Variants in PGBD1 observed in about 807,000 individuals in gnomAD.
The protein encoded by PGBD1 is piggyBac transposable element-derived protein 1.
A neutral mutation model predicts 34.7 loss-of-function variants in PGBD1; 25 were observed. The observed-to-expected ratio is 0.72, with a 90% confidence interval of 0.52 to 1.00. PGBD1 has a LOEUF of 1.00. Among genes scored for constraint, PGBD1 ranks in the 50% least tolerant of loss-of-function variants. The probability of loss-of-function intolerance (pLI) is 0.00; values close to 1 mark genes in which losing one functional copy is unlikely to be tolerated. For synonymous variants in PGBD1, 292 were observed against 335.7 expected, an observed-to-expected ratio of 0.87 and a Z score of 1.42; for missense variants, 830 against 959.4, an observed-to-expected ratio of 0.87 and a Z score of 1.78.
rs556105987 is a variant in PGBD1 at position 28,284,430 on chromosome 6, C to G, written c.396+221C>G. 1.8e-4 allele frequency among the ~76,000 whole-genome samples: 27 copies of G among 152,216 alleles called. No individual in the cohort carries two copies. In the South Asian group the frequency reaches 1.9e-3, roughly 11 times the overall value. The stretch of plus-strand genomic sequence containing the variant: ...CGTACAAGGAAGTGCATTCCCCCCC[C>G]CCAAGATGCATATGTATATGTATAC... On this transcript the variant is annotated intron_variant, in intron 2 of 6. Coordinates refer to ENST00000682144, the MANE Select transcript of PGBD1 (RefSeq NM_032507.4).
intron 4 of PGBD1, among the ~76,000 whole-genome samples, chr6:28,287,681 A>T (rs1434302152): frequency 6.6e-6 from 1 of 151,878 alleles, no homozygotes; most frequent in Non-Finnish European, 1.5e-5. Context: ...TCATTTTCCT[A>T]GTCATTTATT....
intron 6 of PGBD1, among the ~76,000 whole-genome samples, chr6:28,299,607 A>T (rs189468877): frequency 6.6e-6 from 1 of 152,302 alleles, no homozygotes; most frequent in Admixed American, 6.5e-5. Context: ...ATTAAAATAT[A>T]CTCTTCATGC....
rs1762784155 is a variant in PGBD1, at chr6:28,300,219, CT to C, written c.870-498del. ...GTCAGAAGACCTGGTAAATAATAAC[CT>C]TTTTTTCTTGTTCAGATTCAGAACC... On this transcript the variant is annotated intron_variant, in intron 6 of 6. Coordinates refer to ENST00000682144, the MANE Select transcript of PGBD1 (RefSeq NM_032507.4). The surrounding 1 kb of genome is among the most constrained non-coding windows in gnomAD (Gnocchi z 4.0). Among the ~76,000 whole-genome samples the C allele has an allele frequency of 6.6e-6, 1 of 152,106 alleles. No individual in the cohort carries two copies. The highest frequency in any genetic ancestry group is 1.5e-5 in the Non-Finnish European group (1 of 67,994).
At chr6:28,287,715 AT>A (rs1055533068) in intron 4 of PGBD1, among the ~76,000 whole-genome samples, 35 of 151,976 alleles carry the variant, frequency 2.3e-4, no homozygotes, top group African/African-American at 8.0e-4. Context: ...TAACTCTCTC[AT>A]TTAAGTCCTC....
intron 1 of PGBD1, among the ~76,000 whole-genome samples, chr6:28,282,623 A>T (rs1034214816): frequency 6.6e-6 from 1 of 152,238 alleles, no homozygotes; most frequent in Non-Finnish European, 1.5e-5. Context: ...CTGATTGTGT[A>T]TAGAGGCTGT....
rs1394120516 is a variant in PGBD1, at chr6:28,283,783, G to A, written c.-31G>A. ...CTCTATTTCTGAATATAGACCCCAA[G>A]CTAAGTGAAGCTTTAGCCTCTAAGC... On this transcript the variant is annotated 5_prime_UTR_variant, in exon 2 of 7. Coordinates refer to ENST00000682144, the MANE Select transcript of PGBD1 (RefSeq NM_032507.4). 7 of 1,531,604 alleles carry A rather than the reference G, an allele frequency of 4.6e-6. No homozygotes were observed. In the Admixed American group the frequency reaches 8.3e-5, roughly 18 times the overall value. 94.9% of individuals were successfully genotyped at this position (1,531,604 alleles called of 1,614,324 possible).
rs757936431 is a variant in PGBD1 at position 28,301,267 on chromosome 6, G to A, written c.1413G>A (p.Arg471=). ...FGVLLLSGFM[R]HPRREMYWEV... The stretch of plus-strand genomic sequence containing the variant: ...TCTTACTTTTGAGTGGATTTATGAG[G>A]CATCCTAGAAGGGAAATGTATTGGG... Residue 471 remains arginine (R), a synonymous_variant, in exon 7 of 7, where the codon AGG becomes AGA. Transcript: ENST00000682144. 1 of 1,614,008 alleles carries A rather than the reference G, an allele frequency of 6.2e-7. No homozygotes were observed. The highest frequency in any genetic ancestry group is 8.5e-7 in the Non-Finnish European group (1 of 1,179,980).
At chr6:28,285,347 T>C (rs1006579635) in intron 2 of PGBD1, among the ~76,000 whole-genome samples, 1 of 152,216 alleles carries the variant, frequency 6.6e-6, no homozygotes, top group Non-Finnish European at 1.5e-5. Flanking sequence ...TTTGAGGTGG[T>C]GTACATATCC....
Position 28,284,128 on chromosome 6 carries a change from G to A in PGBD1, c.315G>A (p.Lys105=), listed in dbSNP as rs1479084244. The A allele has an allele frequency of 9.3e-6, 15 of 1,613,584 alleles. No homozygotes were observed. Among genetic ancestry groups the A allele is most frequent in the East Asian group, 2.2e-5 (1 of 44,886 alleles). The part of the protein sequence containing the change: ...ILPKELQPCV[K]TYPLESGEEA... ...CCAAGGAGCTCCAGCCCTGTGTGAA[G>A]ACATATCCTCTGGAGAGTGGAGAGG... Residue 105 remains lysine, a synonymous_variant, in exon 2 of 7, where the codon AAG becomes AAA. Coordinates refer to ENST00000682144, the MANE Select transcript of PGBD1 (RefSeq NM_032507.4).
At chr6:28,297,823 T>TTC in intron 5 of PGBD1, 72 bp from the exon 6 acceptor site, 1 of 180,810 alleles carries the variant, frequency 5.5e-6, no homozygotes, top group Non-Finnish European at 1.0e-5. Flanking sequence ...GAAGTTTTTT[T>TTC]TTTTTTTTTT....
intron 4 of PGBD1, among the ~76,000 whole-genome samples, chr6:28,296,255 A>G (rs981784381): frequency 2.0e-5 from 3 of 152,236 alleles, no homozygotes; most frequent in African/African-American, 4.8e-5. Flanking sequence ...AAGGAGTCTC[A>G]AAACTCTGTT....
At position 28,301,646 on chromosome 6, in the gene PGBD1, C is replaced by G; in HGVS notation, c.1792C>G (p.Pro598Ala). 5 of 1,614,078 alleles carry G rather than the reference C, an allele frequency of 3.1e-6. No homozygotes were observed. In the South Asian group the frequency reaches 5.5e-5, roughly 18 times the overall value. Residue 598 changes from proline (P) to alanine (A), a missense_variant, in exon 7 of 7, where the codon CCT becomes GCT. Coordinates refer to ENST00000682144, the MANE Select transcript of PGBD1 (RefSeq NM_032507.4). ...EESTMKVDED[P>A]DLGLGGNLVM... ...ATCAACTATGAAGGTAGATGAGGAT[C>G]CTGATCTTGGGTTAGGTGGAAATCT... is the stretch of plus-strand genomic sequence containing the variant.
intron 4 of PGBD1, among the ~76,000 whole-genome samples, chr6:28,293,225 G>A (rs1053258777): frequency 6.6e-6 from 1 of 152,164 alleles, no homozygotes; most frequent in Non-Finnish European, 1.5e-5. Context: ...ACAGGCATGA[G>A]CCACCACGCC....
chr6:28,283,737 A>G, intron 1 of PGBD1, 39 bp from the exon 2 acceptor site: 2 of 1,483,832 alleles, frequency 1.3e-6, no homozygotes, highest in Non-Finnish European at 1.8e-6. Context: ...CATGTTGCTG[A>G]TAAATTCTTA....
chr6:28,295,862 T>C (rs1201198060), intron 4 of PGBD1, among the ~76,000 whole-genome samples: 7 of 152,202 alleles, frequency 4.6e-5, no homozygotes, highest in Non-Finnish European at 1.0e-4. Context: ...GGCTTTGCCT[T>C]TTATTATCAA....
intron 2 of PGBD1, 23 bp from the exon 3 acceptor site, chr6:28,285,528 C>T (rs779734139): frequency 6.2e-7 from 1 of 1,610,866 alleles, no homozygotes; most frequent in Non-Finnish European, 8.5e-7. Context: ...CATGCCCTTT[C>T]AAAATAAATC....
chr6:28,299,339 C>A (rs56053755), intron 6 of PGBD1, among the ~76,000 whole-genome samples: 1 of 150,222 alleles, frequency 6.7e-6, no homozygotes, highest in African/African-American at 2.5e-5. Flanking sequence ...CCCTCCCTCA[C>A]CCCCACCCCA....
chr6:28,283,240 T>C (rs1762181018), intron 1 of PGBD1, among the ~76,000 whole-genome samples: 2 of 152,216 alleles, frequency 1.3e-5, no homozygotes, highest in African/African-American at 4.8e-5. Flanking sequence ...ATTTCTGCTG[T>C]ATTCCACTGG....
At chr6:28,282,843 GAT>G (rs1258059345) in intron 1 of PGBD1, among the ~76,000 whole-genome samples, 1 of 152,166 alleles carries the variant, frequency 6.6e-6, no homozygotes, top group East Asian at 1.9e-4. Flanking sequence ...TTGGAACAGA[GAT>G]ATATTGAAAG....
Sources: allele counts gnomAD v4.1 joint callset (sites outside exome capture counted in the v4.1 genomes callset), GRCh38; gene constraint gnomAD v4.1.1; non-coding constraint Gnocchi (gnomAD v3.1); transcripts MANE v1.5; gene names NCBI Gene and HGNC (gene_info 2026-07-23, HGNC 2026-07-21).